The following PTAR1 variants were observed in gnomAD, a reference collection of about 807,000 sequenced individuals.
The protein encoded by PTAR1 is protein prenyltransferase alpha subunit repeat-containing protein 1.
A neutral mutation model predicts 45.5 loss-of-function variants in PTAR1; 17 were observed. The observed-to-expected ratio is 0.37, with a 90% CI of 0.26 to 0.56. PTAR1 has a LOEUF of 0.56. Ranked by LOEUF, PTAR1 falls within the 20% of genes least tolerant of loss-of-function variation. The pLI is 0.77. For synonymous variants in PTAR1, 169 were observed against 171.3 expected (o/e 0.99, Z 0.11); for missense variants, 391 against 476.3 (o/e 0.82, Z 1.67).
chr9:69,742,199 T>C (rs1826071422), intron 2 of PTAR1, among the ~76,000 whole-genome samples: 1 of 152,150 alleles, frequency 6.6e-6, no homozygotes, highest in Admixed American at 6.5e-5. Flanking sequence ...CACTATTCAT[T>C]TAACTTCACA....
intron 1 of PTAR1, 73 bp from the exon 2 acceptor site, chr9:69,751,023 G>C: frequency 2.7e-6 from 3 of 1,127,154 alleles, no homozygotes; most frequent in Non-Finnish European, 3.7e-6. Context: ...TAATTTCAGA[G>C]TATTTTAAAA....
chr9:69,718,488 G>A lies in PTAR1; in HGVS notation c.1063C>T (p.Arg355Cys), dbSNP rs745311824. 8.7e-6 allele frequency: 14 copies of A among 1,613,758 alleles called. No individual in the cohort carries two copies. Among genetic ancestry groups the A allele is most frequent in the South Asian group, 6.6e-5 (6 of 91,078 alleles). The change falls in exon 8 of 8, where the codon CGC becomes TGC. Residue 355 changes from arginine (R) to cysteine (C), a missense_variant. Transcript: ENST00000340434. ...SKQGYSQETK[R>C]LKRTPVPDSL... ...TCTGGAACTGGCGTCCGCTTCAGGC[G>A]TTTGGTTTCCTGGGAATAGCCTTGC...
rs1825573524 is a variant in PTAR1 at position 69,732,247 on chromosome 9, TTGTATGAGTCGC to T, written c.522_533del (p.Arg175_Gln178del). The T allele has an allele frequency of 6.2e-7, 1 of 1,613,698 alleles. No individual in the cohort carries two copies. The highest frequency in any genetic ancestry group is 1.1e-5 in the South Asian group (1 of 91,086). On this transcript the variant is annotated inframe_deletion, in exon 5 of 8. Transcript: ENST00000340434. ...CTTCACCACAGACCTCCATCTCTTC[TTGTATGAGTCGC>T]TGTGCCCTTTCTGTGGGAATTGTTC...
chr9:69,732,029 G>C (rs1286089297), intron 5 of PTAR1, 110 bp downstream of exon 5: 3 of 721,264 alleles, frequency 4.2e-6, no homozygotes, highest in Non-Finnish European at 6.9e-6. Context: ...CTCTCAAGTT[G>C]CCAGACCATC....
At chr9:69,735,797 T>C (rs570368678) in intron 3 of PTAR1, among the ~76,000 whole-genome samples, 51 of 152,184 alleles carry the variant, frequency 3.4e-4, no homozygotes, top group Admixed American at 1.6e-3. Flanking sequence ...CCAGCTCTTA[T>C]ACCATATCTA....
At chr9:69,729,928 T>G (rs1825457293) in intron 5 of PTAR1, among the ~76,000 whole-genome samples, 1 of 152,208 alleles carries the variant, frequency 6.6e-6, no homozygotes, top group Admixed American at 6.5e-5. Context: ...ATTTTCATAC[T>G]CTTACTAATA....
chr9:69,744,135 C>G (rs534764908), intron 2 of PTAR1, among the ~76,000 whole-genome samples: 1 of 152,250 alleles, frequency 6.6e-6, no homozygotes, highest in South Asian at 2.1e-4. Context: ...CTTCTGAAAC[C>G]TGGTCTCAAT....
Position 69,731,920 on chromosome 9 carries a change from A to G in PTAR1, c.642+219T>C, listed in dbSNP as rs987891298. 6 of 559,194 alleles carry G rather than the reference A, an allele frequency of 1.1e-5. No homozygotes were observed. In the African/African-American group the frequency reaches 1.1e-4, roughly 11 times the overall value. 34.6% of individuals were successfully genotyped at this position (559,194 alleles called of 1,614,324 possible). A position where few individuals can be genotyped will look rare whatever the true frequency, so the allele number is the denominator to read the frequency against. ...TTGGTTAAACCTGCCTTGCTTTACC[A>G]ATGCACTAGCCTTAAGACTGCCAAA... On this transcript the variant is annotated intron_variant, in intron 5 of 7. Transcript: ENST00000340434.
At chr9:69,742,228 G>A (rs1163925786) in intron 2 of PTAR1, among the ~76,000 whole-genome samples, 1 of 151,966 alleles carries the variant, frequency 6.6e-6, no homozygotes, top group Non-Finnish European at 1.5e-5. Context: ...AAGTATTGAC[G>A]GTGTGTGCGA....
intron 3 of PTAR1, among the ~76,000 whole-genome samples, chr9:69,739,203 T>C (rs1388736741): frequency 6.6e-6 from 1 of 152,116 alleles, no homozygotes; most frequent in Non-Finnish European, 1.5e-5. Context: ...AAACATCAAA[T>C]CTGCACAAAA....
At chr9:69,744,385 CTTTT>C (rs68024709) in intron 2 of PTAR1, among the ~76,000 whole-genome samples, 17 of 146,066 alleles carry the variant, frequency 1.2e-4, no homozygotes, top group South Asian at 1.1e-3. Flanking sequence ...TTCATCTCTG[CTTTT>C]TTTTTTTTTT....
In PTAR1 at chr9:69,710,633, A is replaced by T. The variant is rs1202288667; in HGVS notation, c.*7709T>A. On this transcript the variant is annotated 3_prime_UTR_variant, in exon 8 of 8. Transcript: ENST00000340434. ...TTTTAAGGGTAAAAAGAATTCACAAAATATTGAATCCTTAACAAATGTCAA... is the reference window on the plus strand; with the variant it reads ...TTTTAAGGGTAAAAAGAATTCACAATATATTGAATCCTTAACAAATGTCAA... 2 of 152,270 alleles carry T rather than the reference A, an allele frequency of 1.3e-5. No individual in the cohort carries two copies. The highest frequency in any genetic ancestry group is 3.9e-4 in the East Asian group (2 of 5,186). The allele number at this position is 152,270 out of a possible 1,614,324, so 9.4% of individuals were successfully genotyped here.
At chr9:69,753,140 AT>A (rs76837967) in intron 1 of PTAR1, among the ~76,000 whole-genome samples, 61,798 of 149,896 alleles carry the variant, frequency 0.41, 12,948 homozygotes, top group East Asian at 0.51. Context: ...TTTGGGGGGG[AT>A]TTTTTTTTTA....
At chr9:69,730,482 T>C (rs571113807) in intron 5 of PTAR1, among the ~76,000 whole-genome samples, 2 of 151,180 alleles carry the variant, frequency 1.3e-5, no homozygotes, top group East Asian at 3.9e-4. Flanking sequence ...CCCATATCTC[T>C]TTCCTCTTCC....
intron 2 of PTAR1, among the ~76,000 whole-genome samples, chr9:69,743,845 T>C (rs370490955): frequency 6.6e-6 from 1 of 152,102 alleles, no homozygotes; most frequent in East Asian, 1.9e-4. Flanking sequence ...GGAGAGACTA[T>C]ATAAACAAAT....
intron 1 of PTAR1, chr9:69,758,849 A>G (rs1826931140): frequency 1.5e-5 from 1 of 66,872 alleles, no homozygotes; most frequent in East Asian, 4.3e-4. Flanking sequence ...AATAATAAAA[A>G]ATAATAAACT....
intron 3 of PTAR1, among the ~76,000 whole-genome samples, chr9:69,735,084 T>G (rs1203365149): frequency 1.3e-5 from 2 of 152,224 alleles, no homozygotes; most frequent in African/African-American, 4.8e-5. Context: ...ATTAACAAGG[T>G]AAAATACTTA....
chr9:69,723,230 A>T, intron 6 of PTAR1, 96 bp downstream of exon 6: 1 of 1,014,922 alleles, frequency 9.9e-7, no homozygotes, highest in Non-Finnish European at 1.5e-6. Flanking sequence ...GACCATGTTT[A>T]CCCAAGCAGG....
chr9:69,725,118 A>G (rs1042477801), intron 5 of PTAR1, among the ~76,000 whole-genome samples: 3 of 152,208 alleles, frequency 2.0e-5, no homozygotes, highest in African/African-American at 7.2e-5. Context: ...CATTCTGGCT[A>G]TAATACAGCA....
Sources: allele counts gnomAD v4.1 joint callset (sites outside exome capture counted in the v4.1 genomes callset), GRCh38; gene constraint gnomAD v4.1.1; transcripts MANE v1.5; gene names NCBI Gene and HGNC (gene_info 2026-07-23, HGNC 2026-07-21).